PPFIA1: variants seen among roughly 807,000 people sequenced by gnomAD.
The protein encoded by PPFIA1 is PPFI scaffold protein A1, also known as liprin-alpha-1.
In PPFIA1, 25 loss-of-function variants were observed where a neutral mutation model predicts 149.9. The observed-to-expected ratio is 0.17, with a 90% confidence interval of 0.12 to 0.23. The LOEUF (loss-of-function observed/expected upper bound fraction) is 0.23, where lower values mean the gene tolerates loss of function less well. PPFIA1 is among the 10% of genes least tolerant of loss of function. PPFIA1 has a pLI of 1.00. For synonymous variants in PPFIA1, 549 were observed against 552.8 expected (o/e 0.99, Z 0.10); for missense variants, 1,362 against 1,506.5 (o/e 0.90, Z 1.59).
At chr11:70,336,506 A>C (rs531425745) in intron 11 of PPFIA1, among the ~76,000 whole-genome samples, 47 of 43,860 alleles carry the variant, frequency 1.1e-3, no homozygotes, top group African/African-American at 9.1e-3. Context: ...ATCCTGTTTC[A>C]AAAAAAAAAA....
chr11:70,328,180 C>G (rs538738916), intron 7 of PPFIA1, among the ~76,000 whole-genome samples: 8 of 151,936 alleles, frequency 5.3e-5, no homozygotes, highest in Non-Finnish European at 5.9e-5. Flanking sequence ...ATTTCATCAC[C>G]CAGGTACCAA....
chr11:70,293,942 CTTTTT>C, intron 2 of PPFIA1, among the ~76,000 whole-genome samples: 1 of 128,126 alleles, frequency 7.8e-6, no homozygotes, highest in East Asian at 2.4e-4. Context: ...CTCTCTCTCT[CTTTTT>C]TTTTTTTTTT....
Position 70,272,391 on chromosome 11 carries a change from T to C in PPFIA1, c.219T>C (p.His73=), listed in dbSNP as rs1355948502. ...AGGGGAAGTTACACGAGGTTGGTCA[T>C]GAAAGAGATTCCTTGCAGAGACAGC... The part of the protein sequence containing the change: ...LTQGKLHEVG[H]ERDSLQRQLN... Residue 73 remains histidine (H), a synonymous_variant, in exon 2 of 28, where the codon CAT becomes CAC. Coordinates refer to ENST00000253925, the MANE Select transcript of PPFIA1 (RefSeq NM_003626.5). 6.2e-7 allele frequency: 1 copy of C among 1,614,218 alleles called. No homozygotes were observed. The highest frequency in any genetic ancestry group is 1.1e-5 in the South Asian group (1 of 91,090).
chr11:70,291,976 T>A (rs1470093269), intron 2 of PPFIA1, among the ~76,000 whole-genome samples: 1 of 151,690 alleles, frequency 6.6e-6, no homozygotes, highest in Non-Finnish European at 1.5e-5. Context: ...TAGCTGGGAC[T>A]ACAGGTGCGT....
intron 2 of PPFIA1, among the ~76,000 whole-genome samples, chr11:70,305,942 A>G (rs2052816698): frequency 6.6e-6 from 1 of 152,234 alleles, no homozygotes; most frequent in South Asian, 2.1e-4. Flanking sequence ...CCTTATTGCC[A>G]TGGGGAGGTT....
chr11:70,351,168 C>A (rs1024939522), intron 16 of PPFIA1: 10 of 295,136 alleles, frequency 3.4e-5, no homozygotes, highest in Non-Finnish European at 4.4e-5. Context: ...AGTGACCTAG[C>A]ACCTTACTGA....
intron 10 of PPFIA1, chr11:70,334,229 G>C (rs2054836664): frequency 6.6e-6 from 1 of 152,236 alleles, no homozygotes; most frequent in African/African-American, 2.4e-5. Flanking sequence ...TGGGGTTTGG[G>C]GTAGATTTCT....
chr11:70,342,324 C>T (rs1029090180), intron 14 of PPFIA1, among the ~76,000 whole-genome samples: 1 of 152,112 alleles, frequency 6.6e-6, no homozygotes, highest in Non-Finnish European at 1.5e-5. Flanking sequence ...GTTTTGTCTC[C>T]ATGAAATGGG....
chr11:70,354,057 TG>T (rs1448242717), intron 16 of PPFIA1: 1 of 418,426 alleles, frequency 2.4e-6, no homozygotes, highest in Non-Finnish European at 4.3e-6. Flanking sequence ...AGGCTGAGGA[TG>T]AGGGGCATAC....
intron 15 of PPFIA1, among the ~76,000 whole-genome samples, chr11:70,346,616 G>T (rs12291546): frequency 0.043 from 6,520 of 152,182 alleles, 515 homozygotes; most frequent in African/African-American, 0.15. Flanking sequence ...AATAATTAGT[G>T]TGATGAAGCG....
intron 16 of PPFIA1, 156 bp from the exon 17 acceptor site, chr11:70,354,145 C>A: frequency 1.4e-6 from 1 of 715,990 alleles, no homozygotes; most frequent in Non-Finnish European, 2.3e-6. Context: ...TGCTGTGCTG[C>A]GTGGCCCTTC....
At chr11:70,292,720 T>C (rs575457795) in intron 2 of PPFIA1, among the ~76,000 whole-genome samples, 2 of 152,212 alleles carry the variant, frequency 1.3e-5, no homozygotes, top group Non-Finnish European at 2.9e-5. Context: ...GACACTGTTA[T>C]GACCCCATTT....
At chr11:70,337,702 A>C (rs1312665305) in intron 12 of PPFIA1, among the ~76,000 whole-genome samples, 1 of 152,258 alleles carries the variant, frequency 6.6e-6, no homozygotes, top group Non-Finnish European at 1.5e-5. Flanking sequence ...TGTCCAACAG[A>C]AATATAATAT....
intron 2 of PPFIA1, among the ~76,000 whole-genome samples, chr11:70,311,320 AAAGAT>A (rs1457341014): frequency 6.6e-6 from 1 of 151,960 alleles, no homozygotes; most frequent in Non-Finnish European, 1.5e-5. Context: ...AAAAAAAAAA[AAAGAT>A]AAAGGCAGGT....
intron 11 of PPFIA1, 86 bp from the exon 12 acceptor site, chr11:70,337,279 C>CT (rs879535446): frequency 0.02 from 15,220 of 751,200 alleles, 37 homozygotes; most frequent in African/African-American, 0.042. Context: ...TTGTGTGGTC[C>CT]TTTTTTTTTT....
intron 2 of PPFIA1, among the ~76,000 whole-genome samples, chr11:70,284,532 T>C (rs909545036): frequency 6.6e-6 from 1 of 152,144 alleles, no homozygotes; most frequent in African/African-American, 2.4e-5. Context: ...ACTTTCACAA[T>C]ATACCCATGC....
chr11:70,271,419 A>C (rs888268100), intron 1 of PPFIA1: 2 of 152,202 alleles, frequency 1.3e-5, no homozygotes, highest in African/African-American at 4.8e-5. Context: ...CGCTGTCTTT[A>C]TATCCCAGAC....
intron 8 of PPFIA1, 66 bp downstream of exon 8, chr11:70,330,385 C>G: frequency 1.5e-6 from 2 of 1,359,778 alleles, no homozygotes; most frequent in Non-Finnish European, 9.9e-7. Context: ...GACCCTTTTT[C>G]TCTCACTTTC....
At chr11:70,359,142 T>A (rs754460432) in intron 19 of PPFIA1, among the ~76,000 whole-genome samples, 1 of 152,210 alleles carries the variant, frequency 6.6e-6, no homozygotes, top group Non-Finnish European at 1.5e-5. Flanking sequence ...TTGCCCAGGC[T>A]GAAGTGCAGT....
Sources: allele counts gnomAD v4.1 joint callset (sites outside exome capture counted in the v4.1 genomes callset), GRCh38; gene constraint gnomAD v4.1.1; transcripts MANE v1.5; gene names NCBI Gene and HGNC (gene_info 2026-07-23, HGNC 2026-07-21).